Variants in ABCC11 observed in about 807,000 individuals in gnomAD.
The protein encoded by ABCC11 is ATP-binding cassette sub-family C member 11.
A neutral mutation model predicts 149.3 loss-of-function variants in ABCC11; 135 were observed. The ratio of observed to expected loss-of-function variants is 0.90; its 90% CI spans 0.79 to 1.04. The LOEUF (loss-of-function observed/expected upper bound fraction) is 1.04. Ranked by LOEUF, ABCC11 falls within the 50% of genes least tolerant of loss-of-function variation. The pLI, the probability that ABCC11 is intolerant of heterozygous loss-of-function variation, is 0.00. For synonymous variants in ABCC11, 665 were observed against 671.4 expected (o/e 0.99, Z 0.15); for missense variants, 1,680 against 1,722.1 (o/e 0.98, Z 0.43).
intron 1 of ABCC11, among the ~76,000 whole-genome samples, chr16:48,238,733 C>T (rs1385062738): frequency 1.3e-5 from 2 of 151,710 alleles, no homozygotes; most frequent in Admixed American, 6.6e-5. Flanking sequence ...GTCAGGAGAT[C>T]GAGACCATCC....
At chr16:48,225,043 C>CAA (rs113544609) in intron 4 of ABCC11, among the ~76,000 whole-genome samples, 1 of 142,490 alleles carries the variant, frequency 7.0e-6, no homozygotes, top group Non-Finnish European at 1.5e-5. Context: ...AAAAACAAAC[C>CAA]AAAAAAAAAA....
chr16:48,194,103 G>A (rs1292058583), intron 18 of ABCC11, 121 bp from the exon 19 acceptor site: 14 of 657,574 alleles, frequency 2.1e-5, no homozygotes, highest in Non-Finnish European at 3.7e-5. Context: ...CACCCAATGT[G>A]GACACCTTGG....
chr16:48,246,231 G>C (rs1221238255), intron 1 of ABCC11, among the ~76,000 whole-genome samples: 1 of 152,006 alleles, frequency 6.6e-6, no homozygotes, highest in Non-Finnish European at 1.5e-5. Flanking sequence ...AAATATTTTG[G>C]CTCCCATCTG....
chr16:48,200,240 C>T (rs374196507), intron 15 of ABCC11, 36 bp downstream of exon 15: 107 of 1,593,870 alleles, frequency 6.7e-5, no homozygotes, highest in Non-Finnish European at 8.0e-5. Context: ...CTACGTTATC[C>T]GTCAATCACA....
intron 26 of ABCC11, among the ~76,000 whole-genome samples, chr16:48,173,528 G>A (rs1486352375): frequency 3.9e-5 from 6 of 152,140 alleles, no homozygotes; most frequent in Admixed American, 6.5e-5. Flanking sequence ...TCATATCAAC[G>A]CACAGGAGAT....
At chr16:48,169,399 G>T (rs1352383940) in intron 28 of ABCC11, among the ~76,000 whole-genome samples, 1 of 152,156 alleles carries the variant, frequency 6.6e-6, no homozygotes, top group South Asian at 2.1e-4. Flanking sequence ...TGTAGAAGGT[G>T]TAAGGAAGGG....
At chr16:48,197,568 C>A (rs1283306247) in intron 17 of ABCC11, among the ~76,000 whole-genome samples, 1 of 152,220 alleles carries the variant, frequency 6.6e-6, no homozygotes, top group East Asian at 1.9e-4. Context: ...AAGCCATGAG[C>A]TTCCAGACAT....
At chr16:48,179,273 T>C (rs1966278872) in intron 23 of ABCC11, among the ~76,000 whole-genome samples, 2 of 152,192 alleles carry the variant, frequency 1.3e-5, no homozygotes, top group South Asian at 4.1e-4. Flanking sequence ...ATAAGCTGCC[T>C]GCACCCAAGT....
At chr16:48,213,358 G>A (rs911297959) in intron 10 of ABCC11, 85 bp downstream of exon 10, 3 of 1,215,674 alleles carry the variant, frequency 2.5e-6, no homozygotes, top group Non-Finnish European at 3.6e-6. Context: ...TTGGCCAGGG[G>A]ACGTGTTCTG....
intron 22 of ABCC11, among the ~76,000 whole-genome samples, chr16:48,185,856 G>T (rs185448642): frequency 2.0e-5 from 3 of 152,244 alleles, no homozygotes; most frequent in East Asian, 3.9e-4. Flanking sequence ...AAGCCACCTT[G>T]CTATCCTTCA....
At chr16:48,187,736 A>G (rs545392628) in intron 20 of ABCC11, among the ~76,000 whole-genome samples, 11 of 152,232 alleles carry the variant, frequency 7.2e-5, no homozygotes, top group Middle Eastern at 3.4e-3. Flanking sequence ...AAATATACTA[A>G]ACACTGAAGT....
rs1567500465 is a variant in ABCC11 at position 48,192,440 on chromosome 16, T to TA, written c.2706+79dup. On this transcript the variant is annotated intron_variant, in intron 20 of 29. Coordinates refer to ENST00000356608, the MANE Select transcript of ABCC11 (RefSeq NM_001370497.1). The stretch of plus-strand genomic sequence containing the variant: ...GCCTGGGCTACAGAGCTCTAAAAAA[T>TA]AAAAAAATAAAAAAATAAAAATGAA... 6 of 1,479,214 alleles carry TA rather than the reference T, an allele frequency of 4.1e-6. No individual in the cohort carries two copies. The East Asian group carries it at 1.2e-4, about 29-fold the overall frequency. The allele number at this position is 1,479,214 out of a possible 1,614,324, so 91.6% of individuals were successfully genotyped here.
chr16:48,208,774 A>G (rs1052219485), intron 11 of ABCC11, among the ~76,000 whole-genome samples: 10 of 152,152 alleles, frequency 6.6e-5, no homozygotes, highest in African/African-American at 2.2e-4. Flanking sequence ...ATTTGTGTCT[A>G]TTCTATGCAG....
chr16:48,172,044 C>A (rs1965754593), intron 26 of ABCC11, among the ~76,000 whole-genome samples: 1 of 152,164 alleles, frequency 6.6e-6, no homozygotes, highest in Non-Finnish European at 1.5e-5. Context: ...GTCTCTTCTT[C>A]CCCCTCCCCA....
chr16:48,241,228 G>A (rs747616426), intron 1 of ABCC11, among the ~76,000 whole-genome samples: 3 of 152,120 alleles, frequency 2.0e-5, no homozygotes, highest in Non-Finnish European at 4.4e-5. Context: ...GAGCCACTGC[G>A]TCCAGCCCAC....
chr16:48,225,646 C>T (rs994417841), intron 4 of ABCC11, among the ~76,000 whole-genome samples: 4 of 152,168 alleles, frequency 2.6e-5, no homozygotes, highest in African/African-American at 9.7e-5. Context: ...CTTCCTGTCG[C>T]CTCACATCAG....
Position 48,196,255 on chromosome 16 carries a change from T to C in ABCC11, c.2381A>G (p.His794Arg). 2 of 1,614,120 alleles carry C rather than the reference T, an allele frequency of 1.2e-6. No individual in the cohort carries two copies. Among genetic ancestry groups the C allele is most frequent in the African/African-American group, 1.3e-5 (1 of 75,054 alleles). ...ACCTCCAGCTGCCTGGATGTAGTGG[T>C]GGTAGACCCTCCAACTCAAGGAGCC... Reference protein sequence around the residue: ...EEGSLSWRVYHHYIQAAGGYM... With the variant: ...EEGSLSWRVYRHYIQAAGGYM... Residue 794 changes from histidine to arginine, a missense_variant, in exon 18 of 30, where the codon CAC becomes CGC. His to Arg is a conservative substitution (Grantham distance 29). Coordinates refer to ENST00000356608, the MANE Select transcript of ABCC11 (RefSeq NM_001370497.1).
intron 26 of ABCC11, 54 bp from the exon 27 acceptor site, chr16:48,171,021 C>G: frequency 2.8e-6 from 4 of 1,438,668 alleles, no homozygotes; most frequent in Non-Finnish European, 3.9e-6. Flanking sequence ...GCTTTGAACA[C>G]TCATTTATAT....
chr16:48,242,708 A>T (rs1342018371), intron 1 of ABCC11, among the ~76,000 whole-genome samples: 1 of 152,246 alleles, frequency 6.6e-6, no homozygotes, highest in Non-Finnish European at 1.5e-5. Context: ...ATGGAATACT[A>T]TGCAGCCATA....
Sources: gnomAD v4.1 joint callset for allele counts (sites outside exome capture counted in the v4.1 genomes callset) on GRCh38, gnomAD v4.1.1 for gene constraint, MANE v1.5 for transcripts, NCBI Gene and HGNC (gene_info 2026-07-23, HGNC 2026-07-21) for gene names.